Variants in FRMD5 observed in about 807,000 individuals in gnomAD.
The protein encoded by FRMD5 is FERM domain-containing protein 5.
A neutral mutation model predicts 69.0 loss-of-function variants in FRMD5; 20 were observed. The ratio of observed to expected loss-of-function variants is 0.29; its 90% CI spans 0.20 to 0.42. FRMD5 has a LOEUF of 0.42. Among genes scored for constraint, FRMD5 ranks in the 10% least tolerant of loss-of-function variants. The pLI, the probability that FRMD5 is intolerant of heterozygous loss-of-function variation, is 1.00. For synonymous variants in FRMD5, 271 were observed against 260.1 expected (o/e 1.04, Z -0.40); for missense variants, 595 against 708.6 (o/e 0.84, Z 1.82).
chr15:44,122,627 A>G (rs545705080), intron 1 of FRMD5, among the ~76,000 whole-genome samples: 10 of 152,292 alleles, frequency 6.6e-5, no homozygotes, highest in African/African-American at 2.4e-4. Context: ...GCTCACACCT[A>G]TAATCCCAGC....
At position 44,124,101 on chromosome 15, in the gene FRMD5, G is replaced by A. The variant is rs764004953; in HGVS notation, c.102+70852C>T. On this transcript the variant is annotated intron_variant, in intron 1 of 13. Transcript: ENST00000417257. ...CTGCCTCCTTGGGTTCTAGCAATTCGCCTGCCTCAGCCTCCCAAGTAGCTG... is the reference window on the plus strand; with the variant it reads ...CTGCCTCCTTGGGTTCTAGCAATTCACCTGCCTCAGCCTCCCAAGTAGCTG... 2.6e-5 allele frequency among the ~76,000 whole-genome samples: 4 copies of A among 151,800 alleles called. No homozygotes were observed. The South Asian group carries it at 6.2e-4, about 24-fold the overall frequency.
At chr15:43,952,738 G>A (rs2140516670) in intron 1 of FRMD5, among the ~76,000 whole-genome samples, 1 of 152,376 alleles carries the variant, frequency 6.6e-6, no homozygotes, top group East Asian at 1.9e-4. Flanking sequence ...CAGCCATGCG[G>A]TCAGCACGCA....
intron 1 of FRMD5, among the ~76,000 whole-genome samples, chr15:44,048,478 T>C (rs1346858193): frequency 6.6e-6 from 1 of 152,214 alleles, no homozygotes; most frequent in Non-Finnish European, 1.5e-5. Flanking sequence ...AGTTACATGA[T>C]TTGCAAATAT....
intron 1 of FRMD5, among the ~76,000 whole-genome samples, chr15:44,186,651 A>G (rs997490431): frequency 7.2e-5 from 11 of 152,186 alleles, no homozygotes; most frequent in African/African-American, 2.4e-4. Context: ...CCACAATACC[A>G]CTTCACAGCA....
rs529049925 is a variant in FRMD5 at position 43,901,166 on chromosome 15, G to C, written c.639+1009C>G. The stretch of plus-strand genomic sequence containing the variant: ...AGATGACAGCCATCCACAGGCCAAG[G>C]AGAGGGGCCTGGAAAGGATCCTTCT... On this transcript the variant is annotated intron_variant, in intron 7 of 13. Transcript: ENST00000417257. Among the ~76,000 whole-genome samples the C allele has an allele frequency of 1.5e-4, 23 of 152,206 alleles. No homozygotes were observed. The South Asian group carries it at 4.6e-3, about 30-fold the overall frequency.
At chr15:44,128,442 A>T (rs961883236) in intron 1 of FRMD5, among the ~76,000 whole-genome samples, 2 of 152,238 alleles carry the variant, frequency 1.3e-5, no homozygotes, top group African/African-American at 4.8e-5. Context: ...ATGCCATTGC[A>T]CTCCAGCCTG....
At chr15:43,943,865 T>C (rs1469180692) in intron 1 of FRMD5, among the ~76,000 whole-genome samples, 1 of 152,260 alleles carries the variant, frequency 6.6e-6, no homozygotes, top group Non-Finnish European at 1.5e-5. Context: ...GTGATTGCTA[T>C]GGCAGCCCTA....
intron 1 of FRMD5, among the ~76,000 whole-genome samples, chr15:44,126,264 C>G (rs1193518732): frequency 6.6e-6 from 1 of 152,160 alleles, no homozygotes; most frequent in African/African-American, 2.4e-5. Context: ...CTTTGAAATC[C>G]AGGCACTTCA....
At chr15:43,937,672 G>A (rs118184979) in intron 1 of FRMD5, among the ~76,000 whole-genome samples, 2,498 of 151,192 alleles carry the variant, frequency 0.017, 28 homozygotes, top group Non-Finnish European at 0.025. Context: ...AAGTGCTCCT[G>A]GGAACAACAT....
chr15:44,164,287 C>CT (rs1037249788), intron 1 of FRMD5, among the ~76,000 whole-genome samples: 3 of 151,902 alleles, frequency 2.0e-5, no homozygotes, highest in Non-Finnish European at 1.5e-5. Flanking sequence ...TTTGTAAGCA[C>CT]TTTTTTTTGC....
chr15:44,112,909 T>C lies in FRMD5; in HGVS notation c.102+82044A>G, dbSNP rs562529443. Among the ~76,000 whole-genome samples the C allele has an allele frequency of 2.6e-5, 4 of 152,334 alleles. 1 individual carries two copies. The highest frequency in any genetic ancestry group is 9.6e-5 in the African/African-American group (4 of 41,574). On this transcript the variant is annotated intron_variant, in intron 1 of 13. Coordinates refer to ENST00000417257, the MANE Select transcript of FRMD5 (RefSeq NM_032892.5). ...CACACTCGGCCACCTTCACTGATTTTTTCCTTTCATATTTCTCTTTATAAG... is the reference window on the plus strand; with the variant it reads ...CACACTCGGCCACCTTCACTGATTTCTTCCTTTCATATTTCTCTTTATAAG...
At chr15:44,135,932 T>C (rs1452153641) in intron 1 of FRMD5, among the ~76,000 whole-genome samples, 1 of 152,054 alleles carries the variant, frequency 6.6e-6, no homozygotes, top group Middle Eastern at 3.2e-3. Flanking sequence ...ATATTCATAA[T>C]ATTATTTAAA....
At chr15:44,121,656 A>C (rs912801608) in intron 1 of FRMD5, among the ~76,000 whole-genome samples, 17 of 151,976 alleles carry the variant, frequency 1.1e-4, no homozygotes, top group African/African-American at 1.4e-4. Context: ...CTTACCAAAA[A>C]AAAAACAAAA....
chr15:43,924,353 C>A, intron 1 of FRMD5, 44 bp from the exon 2 acceptor site: 2 of 1,391,780 alleles, frequency 1.4e-6, no homozygotes, highest in Non-Finnish European at 2.0e-6. Context: ...TGGGTTTCTT[C>A]AGTGTAACTT....
chr15:43,989,489 G>A, intron 1 of FRMD5: 1 of 864,408 alleles, frequency 1.2e-6, no homozygotes, highest in Admixed American at 1.7e-5. Flanking sequence ...GGAGGAGCTG[G>A]AGGCCACCAT....
chr15:44,189,946 G>C (rs988148646), intron 1 of FRMD5, among the ~76,000 whole-genome samples: 1 of 152,168 alleles, frequency 6.6e-6, no homozygotes, highest in Non-Finnish European at 1.5e-5. Flanking sequence ...AGATGCTTTA[G>C]TACCCTTCAA....
At chr15:44,151,359 T>C (rs1213249671) in intron 1 of FRMD5, among the ~76,000 whole-genome samples, 2 of 143,270 alleles carry the variant, frequency 1.4e-5, no homozygotes, top group Admixed American at 1.5e-4. Flanking sequence ...ATCGCGCCAC[T>C]GCACTCCAGC....
At chr15:43,897,291 A>G (rs2088933295) in intron 7 of FRMD5, among the ~76,000 whole-genome samples, 1 of 151,692 alleles carries the variant, frequency 6.6e-6, no homozygotes, top group South Asian at 2.1e-4. Context: ...AGTTTGAGAC[A>G]AGCCTGGCCA....
intron 4 of FRMD5, among the ~76,000 whole-genome samples, chr15:43,916,218 G>A (rs2089384568): frequency 6.6e-6 from 1 of 152,236 alleles, no homozygotes; most frequent in Non-Finnish European, 1.5e-5. Flanking sequence ...GACTTGGTGA[G>A]AGGCCTGGCC....
Sources: gnomAD v4.1 joint callset for allele counts (sites outside exome capture counted in the v4.1 genomes callset) on GRCh38, gnomAD v4.1.1 for gene constraint, MANE v1.5 for transcripts, NCBI Gene and HGNC (gene_info 2026-07-23, HGNC 2026-07-21) for gene names.